The following ARHGAP21 variants were observed in gnomAD, a reference collection of about 807,000 sequenced individuals.
The protein encoded by ARHGAP21 is Rho GTPase activating protein 21.
ARHGAP21 carries 38 observed loss-of-function variants against 164.6 expected under a neutral mutation model. The observed-to-expected ratio is 0.23, with a 90% CI of 0.18 to 0.30. The LOEUF is 0.30. Among genes scored for constraint, ARHGAP21 ranks in the 10% least tolerant of loss-of-function variants. ARHGAP21 has a pLI of 1.00. For synonymous variants in ARHGAP21, 766 were observed against 857.9 expected (o/e 0.89, Z 1.87); for missense variants, 1,822 against 2,370.7 (o/e 0.77, Z 4.81).
intron 4 of ARHGAP21, among the ~76,000 whole-genome samples, chr10:24,656,217 G>A (rs1307399282): frequency 7.2e-6 from 1 of 138,002 alleles, no homozygotes; most frequent in Non-Finnish European, 1.6e-5. Flanking sequence ...GGAGGTGGGG[G>A]GGTCATCCCC....
intron 4 of ARHGAP21, among the ~76,000 whole-genome samples, chr10:24,646,955 G>A (rs1234041773): frequency 6.6e-6 from 1 of 152,094 alleles, no homozygotes. Flanking sequence ...CCTTCCAGAG[G>A]AGAAATTAAT....
At chr10:24,644,927 A>G (rs1837410805) in intron 4 of ARHGAP21, among the ~76,000 whole-genome samples, 1 of 152,228 alleles carries the variant, frequency 6.6e-6, no homozygotes, top group Admixed American at 6.5e-5. Context: ...ATTTTCAGCT[A>G]GATACTGAAC....
intron 4 of ARHGAP21, among the ~76,000 whole-genome samples, chr10:24,662,235 A>AT (rs1251588466): frequency 1.3e-5 from 2 of 152,218 alleles, no homozygotes; most frequent in African/African-American, 4.8e-5. Flanking sequence ...TTAACACTAC[A>AT]TAAGTCATAC....
At chr10:24,689,530 A>C (rs923490213) in intron 2 of ARHGAP21, among the ~76,000 whole-genome samples, 3 of 152,124 alleles carry the variant, frequency 2.0e-5, no homozygotes, top group Non-Finnish European at 4.4e-5. Context: ...GCCAGAGCCC[A>C]GGAATTCAAG....
chr10:24,689,880 ATATATG>A (rs1842570440), intron 2 of ARHGAP21, among the ~76,000 whole-genome samples: 1 of 146,252 alleles, frequency 6.8e-6, no homozygotes, highest in Admixed American at 6.9e-5. Context: ...ATATACATGT[ATATATG>A]TATATGTATG....
chr10:24,597,909 T>C (rs1415415420), intron 15 of ARHGAP21, 36 bp downstream of exon 15: 3 of 1,586,924 alleles, frequency 1.9e-6, no homozygotes, highest in Non-Finnish European at 1.7e-6. Context: ...ACTGATTTTA[T>C]ATCCAAATTA....
chr10:24,589,401 G>T, intron 24 of ARHGAP21, 99 bp from the exon 25 acceptor site: 1 of 1,130,098 alleles, frequency 8.8e-7, no homozygotes, highest in Non-Finnish European at 1.3e-6. Context: ...AGAACAAAAT[G>T]TGAAAGCAAA....
chr10:24,608,447 T>G (rs2077123716), intron 9 of ARHGAP21, among the ~76,000 whole-genome samples: 1 of 152,178 alleles, frequency 6.6e-6, no homozygotes, highest in African/African-American at 2.4e-5. Context: ...AAATTCTTAC[T>G]CTTATAAAAA....
chr10:24,711,754 A>G (rs1284844932), intron 2 of ARHGAP21, among the ~76,000 whole-genome samples: 1 of 152,206 alleles, frequency 6.6e-6, no homozygotes, highest in African/African-American at 2.4e-5. Context: ...ACACAGCATC[A>G]GCATCTGGAA....
intron 9 of ARHGAP21, among the ~76,000 whole-genome samples, chr10:24,618,943 C>G (rs1411365737): frequency 6.6e-6 from 1 of 152,076 alleles, no homozygotes; most frequent in Non-Finnish European, 1.5e-5. Flanking sequence ...AGGACAGGTG[C>G]CGGCAACTGT....
intron 4 of ARHGAP21, among the ~76,000 whole-genome samples, chr10:24,658,885 C>G (rs1254667827): frequency 6.6e-6 from 1 of 152,124 alleles, no homozygotes; most frequent in Non-Finnish European, 1.5e-5. Context: ...TGGATTTGAA[C>G]AGAAATTTCT....
At chr10:24,667,924 G>A (rs933296387) in intron 3 of ARHGAP21, among the ~76,000 whole-genome samples, 3 of 151,892 alleles carry the variant, frequency 2.0e-5, no homozygotes, top group Non-Finnish European at 4.4e-5. Flanking sequence ...TAATTAAAAT[G>A]GAAAAGATTC....
At chr10:24,693,816 G>A (rs1044825054) in intron 2 of ARHGAP21, among the ~76,000 whole-genome samples, 1 of 152,136 alleles carries the variant, frequency 6.6e-6, no homozygotes, top group African/African-American at 2.4e-5. Flanking sequence ...GGTATATAAA[G>A]AAACTGTATT....
intron 2 of ARHGAP21, among the ~76,000 whole-genome samples, chr10:24,682,530 T>C (rs1415698965): frequency 1.3e-5 from 2 of 152,222 alleles, no homozygotes; most frequent in Admixed American, 6.5e-5. Flanking sequence ...GGTATTTCTC[T>C]GCAAAATTTT....
intron 2 of ARHGAP21, among the ~76,000 whole-genome samples, chr10:24,692,791 C>T (rs916394713): frequency 5.3e-5 from 8 of 151,550 alleles, no homozygotes; most frequent in Admixed American, 3.9e-4. Flanking sequence ...GAGATTGTGC[C>T]ACTGCACTCC....
chr10:24,703,562 A>G (rs914199171), intron 2 of ARHGAP21, among the ~76,000 whole-genome samples: 5 of 152,170 alleles, frequency 3.3e-5, no homozygotes, highest in South Asian at 2.1e-4. Flanking sequence ...ACTTTCAACT[A>G]TAACACTATA....
At chr10:24,656,382 A>T (rs1593187350) in intron 4 of ARHGAP21, among the ~76,000 whole-genome samples, 1 of 90,454 alleles carries the variant, frequency 1.1e-5, no homozygotes, top group African/African-American at 4.9e-5. Flanking sequence ...CCCGTCCGGG[A>T]GGGAGGTGGG....
Position 24,597,500 on chromosome 10 carries a change from G to A in ARHGAP21, c.3281C>T (p.Thr1094Ile). The change falls in exon 16 of 26, where the codon ACT becomes ATT. Residue 1094 changes from threonine (T) to isoleucine (I), a missense_variant. Coordinates refer to ENST00000396432, the MANE Select transcript of ARHGAP21 (RefSeq NM_020824.4). ...TTCCTTCGGAGAGTGTGGGCTTTGA[G>A]TCTTTGGCTCTGATTTAGCACCAAG... ...TLLGAKSEPK[T>I]QSPHSPKEES... 1.2e-6 allele frequency: 2 copies of A among 1,614,106 alleles called. No individual in the cohort carries two copies. Among genetic ancestry groups the A allele is most frequent in the Non-Finnish European group, 8.5e-7 (1 of 1,179,990 alleles).
chr10:24,699,975 A>C (rs1289714385), intron 2 of ARHGAP21, among the ~76,000 whole-genome samples: 2 of 152,088 alleles, frequency 1.3e-5, no homozygotes, highest in East Asian at 3.9e-4. Flanking sequence ...AGGGGCAGAG[A>C]GAGGTGTTTT....
Sources: allele counts gnomAD v4.1 joint callset (sites outside exome capture counted in the v4.1 genomes callset), GRCh38; gene constraint gnomAD v4.1.1; transcripts MANE v1.5; gene names NCBI Gene and HGNC (gene_info 2026-07-23, HGNC 2026-07-21).